The following ARIH2 variants were observed in gnomAD, a reference collection of about 807,000 sequenced individuals.
ARIH2 encodes the protein E3 ubiquitin-protein ligase ARIH2.
Under a neutral mutation model 79.8 loss-of-function variants are expected in ARIH2, and 12 were observed. The observed-to-expected ratio is 0.15, with a 90% confidence interval of 0.10 to 0.24. ARIH2 has a LOEUF of 0.24. ARIH2 is among the 10% of genes least tolerant of loss of function. ARIH2 has a pLI of 1.00. For missense variants in ARIH2, 301 were observed against 618.3 expected (o/e 0.49, Z 5.44); for synonymous variants, 224 against 213.9 (o/e 1.05, Z -0.41).
At chr3:48,926,059 G>A (rs547059569) in intron 2 of ARIH2, among the ~76,000 whole-genome samples, 177 of 152,198 alleles carry the variant, frequency 1.2e-3, no homozygotes, top group African/African-American at 3.9e-3. Context: ...GTTCCTTTCA[G>A]CTCATCAGTT....
intron 3 of ARIH2, among the ~76,000 whole-genome samples, chr3:48,940,678 C>T (rs1441644607): frequency 6.6e-6 from 1 of 151,412 alleles, no homozygotes; most frequent in African/African-American, 2.4e-5. Flanking sequence ...GCCTGTAATC[C>T]TAGATACTCG....
intron 13 of ARIH2, among the ~76,000 whole-genome samples, chr3:48,981,124 GT>G (rs2092733393): frequency 6.6e-6 from 1 of 151,252 alleles, no homozygotes; most frequent in African/African-American, 2.4e-5. Context: ...GAGCCCAGGA[GT>G]TTGAGACCAG....
intron 13 of ARIH2, 47 bp downstream of exon 13, chr3:48,980,543 C>T (rs375146560): frequency 7.5e-6 from 12 of 1,595,878 alleles, no homozygotes; most frequent in African/African-American, 2.7e-5. Context: ...TGCCTGGCTC[C>T]GTCAGGCACA....
Position 48,985,165 on chromosome 3 carries a change from C to T in ARIH2, c.*1895C>T, listed in dbSNP as rs1025735145. On this transcript the variant is annotated 3_prime_UTR_variant, in exon 16 of 16. Coordinates refer to ENST00000356401, the MANE Select transcript of ARIH2 (RefSeq NM_006321.4). ...CCATGGCACAGGATCTGAGTTGCAGCTCTGCACCCTAAATCACACCCTGGG... is the reference window on the plus strand; with the variant it reads ...CCATGGCACAGGATCTGAGTTGCAGTTCTGCACCCTAAATCACACCCTGGG... 3 of 152,268 alleles carry T rather than the reference C, an allele frequency of 2.0e-5. No individual in the cohort carries two copies. Among genetic ancestry groups the T allele is most frequent in the Non-Finnish European group, 4.4e-5 (3 of 68,068 alleles). 9.4% of individuals were successfully genotyped at this position (152,268 alleles called of 1,614,324 possible).
At chr3:48,970,139 G>C (rs2092114280) in intron 7 of ARIH2, among the ~76,000 whole-genome samples, 1 of 152,042 alleles carries the variant, frequency 6.6e-6, no homozygotes, top group Admixed American at 6.6e-5. Flanking sequence ...TGATCCACCT[G>C]CCTCGGCCTC....
chr3:48,955,332 CTT>C (rs79913133), intron 3 of ARIH2, among the ~76,000 whole-genome samples: 20 of 142,010 alleles, frequency 1.4e-4, no homozygotes, highest in Admixed American at 1.4e-4. Context: ...AGTCATTAGT[CTT>C]TTTTTTTTTT....
intron 11 of ARIH2, among the ~76,000 whole-genome samples, chr3:48,979,243 G>T (rs1468145182): frequency 6.6e-6 from 1 of 152,200 alleles, no homozygotes; most frequent in Non-Finnish European, 1.5e-5. Flanking sequence ...CATGGCACAT[G>T]TGCTCATGGA....
At chr3:48,926,928 TTTTCTTTACC>T in intron 2 of ARIH2, 1 of 153,524 alleles carries the variant, frequency 6.5e-6, no homozygotes, top group Admixed American at 6.4e-5. Flanking sequence ...TGTGTTTTTT[TTTTCTTTACC>T]AACTATGCAC....
chr3:48,941,578 T>TTTTTC (rs1237498309), intron 3 of ARIH2, among the ~76,000 whole-genome samples: 8 of 151,850 alleles, frequency 5.3e-5, no homozygotes, highest in African/African-American at 1.2e-4. Context: ...GAACTATTGA[T>TTTTTC]TTTTCTTTTC....
At chr3:48,958,657 C>T (rs964581816) in intron 3 of ARIH2, among the ~76,000 whole-genome samples, 2 of 151,664 alleles carry the variant, frequency 1.3e-5, no homozygotes, top group Non-Finnish European at 2.9e-5. Flanking sequence ...TGCAGTGAGT[C>T]GAGATCGTAC....
chr3:48,919,422 T>G, intron 1 of ARIH2: 1 of 343,560 alleles, frequency 2.9e-6, no homozygotes, highest in East Asian at 4.6e-5. Context: ...TCCGCGCGAA[T>G]ATCCCGGAGC....
At chr3:48,944,824 T>G (rs1227953973) in intron 3 of ARIH2, among the ~76,000 whole-genome samples, 1 of 152,212 alleles carries the variant, frequency 6.6e-6, no homozygotes, top group South Asian at 2.1e-4. Flanking sequence ...AGTACTTTCT[T>G]GCCTCCCTCC....
intron 7 of ARIH2, among the ~76,000 whole-genome samples, chr3:48,969,892 G>GTT (rs1316536295): frequency 1.8e-4 from 25 of 137,364 alleles, no homozygotes; most frequent in African/African-American, 2.9e-4. Context: ...TCAGATATAT[G>GTT]TTTTTTTTTT....
intron 3 of ARIH2, among the ~76,000 whole-genome samples, chr3:48,932,769 C>T (rs2086544410): frequency 6.6e-6 from 1 of 152,068 alleles, no homozygotes; most frequent in Non-Finnish European, 1.5e-5. Flanking sequence ...GTTCAGGGAC[C>T]CACCCCATTG....
At chr3:48,919,300 A>C in intron 1 of ARIH2, 1 of 975,676 alleles carries the variant, frequency 1.0e-6, no homozygotes, top group Non-Finnish European at 1.3e-6. Context: ...GCGGCGGGGA[A>C]ACGCGCCGCC....
chr3:48,981,073 T>G (rs1270557195), intron 13 of ARIH2, among the ~76,000 whole-genome samples: 1 of 141,172 alleles, frequency 7.1e-6, no homozygotes, highest in African/African-American at 2.7e-5. Flanking sequence ...CTCACGCCTA[T>G]GATCCCAGCA....
At chr3:48,965,322 T>C (rs1303294212) in intron 5 of ARIH2, among the ~76,000 whole-genome samples, 2 of 152,032 alleles carry the variant, frequency 1.3e-5, no homozygotes, top group Non-Finnish European at 2.9e-5. Flanking sequence ...ATCATGCCAC[T>C]GCACTCCAAC....
intron 3 of ARIH2, among the ~76,000 whole-genome samples, chr3:48,929,514 A>C (rs1162127582): frequency 6.6e-6 from 1 of 152,036 alleles, no homozygotes; most frequent in Non-Finnish European, 1.5e-5. Flanking sequence ...TCTCTGAGTG[A>C]GTTTCCTTGA....
chr3:48,974,349 G>C (rs529928514), intron 9 of ARIH2, among the ~76,000 whole-genome samples: 2 of 152,334 alleles, frequency 1.3e-5, no homozygotes, highest in African/African-American at 2.4e-5. Context: ...CACAGCATCA[G>C]ACTGGTGTCT....
Sources: allele counts gnomAD v4.1 joint callset (sites outside exome capture counted in the v4.1 genomes callset), GRCh38; gene constraint gnomAD v4.1.1; transcripts MANE v1.5; gene names NCBI Gene and HGNC (gene_info 2026-07-23, HGNC 2026-07-21).